IPO11: variants seen among roughly 807,000 people sequenced by gnomAD.
IPO11 encodes the protein importin 11, also known as importin-11.
A neutral mutation model predicts 143.2 loss-of-function variants in IPO11; 66 were observed. The ratio of observed to expected loss-of-function variants is 0.46; its 90% CI spans 0.38 to 0.57. The LOEUF is 0.57. Among genes scored for constraint, IPO11 ranks in the 20% least tolerant of loss-of-function variants. The pLI is 0.00. For missense variants in IPO11, 1,026 were observed against 1,141.0 expected, an observed-to-expected ratio of 0.90 and a Z score of 1.45; for synonymous variants, 385 against 377.8, an observed-to-expected ratio of 1.02 and a Z score of -0.22.
chr5:62,537,393 T>C lies in IPO11; in HGVS notation c.2250+104T>C, dbSNP rs146810578. The C allele has an allele frequency of 6.3e-4, 486 of 770,168 alleles. 2 individuals are homozygous for C. In the African/African-American group the frequency reaches 7.6e-3, roughly 12 times the overall value. 47.7% of individuals were successfully genotyped at this position (770,168 alleles called of 1,614,324 possible). ...TTCGCAAGAAGGAGAAGAGTTGATATAGTTCTAGACAGGCTATTTTGGCAG... is the reference window on the plus strand; with the variant it reads ...TTCGCAAGAAGGAGAAGAGTTGATACAGTTCTAGACAGGCTATTTTGGCAG... On this transcript the variant is annotated intron_variant, in intron 24 of 29. Transcript: ENST00000325324.
At chr5:62,426,021 C>T (rs1422972574) in intron 1 of IPO11, among the ~76,000 whole-genome samples, 3 of 152,198 alleles carry the variant, frequency 2.0e-5, no homozygotes, top group African/African-American at 4.8e-5. Flanking sequence ...TTATAAGACT[C>T]AGAGTCCCCT....
intron 15 of IPO11, among the ~76,000 whole-genome samples, chr5:62,492,467 G>T (rs1746654306): frequency 6.6e-6 from 1 of 152,106 alleles, no homozygotes; most frequent in African/African-American, 2.4e-5. Context: ...ACTACTTTGT[G>T]TTTTTAAATT....
intron 27 of IPO11, among the ~76,000 whole-genome samples, chr5:62,563,657 AT>A: frequency 6.6e-6 from 1 of 152,174 alleles, no homozygotes; most frequent in Non-Finnish European, 1.5e-5. Context: ...TGTGAAATTT[AT>A]TTATATTTCA....
intron 16 of IPO11, among the ~76,000 whole-genome samples, chr5:62,503,329 A>ATTAATATATTAATAGTAT (rs1561338165): frequency 2.3e-4 from 34 of 145,618 alleles, no homozygotes; most frequent in African/African-American, 8.0e-4. Flanking sequence ...AATAGTATCT[A>ATTAATATATTAATAGTAT]CTAATATATT....
chr5:62,570,316 A>C (rs879265114), intron 27 of IPO11, among the ~76,000 whole-genome samples: 8 of 152,122 alleles, frequency 5.3e-5, no homozygotes, highest in Non-Finnish European at 1.2e-4. Context: ...CACTCCCCCC[A>C]AAAAAGTCCC....
rs995019567 is a variant in IPO11, at chr5:62,441,496, C to CTTTTTTT, written c.139-1459_139-1453dup. On this transcript the variant is annotated intron_variant, in intron 2 of 29. Transcript: ENST00000325324. ...ACAGGCATGAGCCACTGTGCCTGGC[C>CTTTTTTT]TTTTTTTTTTTTTTTTTTTTTTTTT... Among the ~76,000 whole-genome samples, 6 of 47,378 alleles carry CTTTTTTT rather than the reference C, an allele frequency of 1.3e-4. 1 individual carries two copies. Among genetic ancestry groups the CTTTTTTT allele is most frequent in the African/African-American group, 1.8e-4 (2 of 10,966 alleles). The allele number at this position is 47,378 out of a possible 152,430, so 31.1% of individuals were successfully genotyped here.
chr5:62,602,958 T>G (rs1745559952), intron 29 of IPO11, among the ~76,000 whole-genome samples: 1 of 152,138 alleles, frequency 6.6e-6, no homozygotes, highest in Admixed American at 6.5e-5. Context: ...AACTGAAAAA[T>G]TACTGTTAAA....
At chr5:62,603,777 A>G (rs896070516) in intron 29 of IPO11, among the ~76,000 whole-genome samples, 6 of 152,222 alleles carry the variant, frequency 3.9e-5, no homozygotes, top group African/African-American at 1.4e-4. Context: ...TTCCTTTTCA[A>G]AGTTACAATG....
At chr5:62,530,530 G>T (rs1354426640) in intron 21 of IPO11, among the ~76,000 whole-genome samples, 179 bp from the exon 22 acceptor site, 1 of 152,138 alleles carries the variant, frequency 6.6e-6, no homozygotes, top group Non-Finnish European at 1.5e-5. Flanking sequence ...TACATAATTT[G>T]CAGACAGGTT....
chr5:62,483,653 A>G (rs1488031547), intron 10 of IPO11, among the ~76,000 whole-genome samples: 2 of 152,126 alleles, frequency 1.3e-5, no homozygotes, highest in African/African-American at 4.8e-5. Flanking sequence ...AAATTGTTGT[A>G]TTATTTGGAA....
chr5:62,428,483 A>G (rs1250369818), intron 1 of IPO11, among the ~76,000 whole-genome samples: 2 of 151,806 alleles, frequency 1.3e-5, no homozygotes, highest in Non-Finnish European at 2.9e-5. Context: ...AGCTAGGATT[A>G]CAGATGCACG....
chr5:62,413,416 C>T (rs191229054), intron 1 of IPO11: 11 of 152,196 alleles, frequency 7.2e-5, no homozygotes, highest in Admixed American at 2.0e-4. Context: ...GGTAGTTGTC[C>T]GTTTATAGAG....
intron 5 of IPO11, among the ~76,000 whole-genome samples, chr5:62,455,241 A>T (rs1745090157): frequency 3.9e-5 from 6 of 152,204 alleles, no homozygotes. Flanking sequence ...ACATAAAAAA[A>T]TGTAAGGGCT....
intron 1 of IPO11, among the ~76,000 whole-genome samples, chr5:62,428,703 C>T (rs576306088): frequency 3.9e-5 from 6 of 152,112 alleles, no homozygotes; most frequent in Middle Eastern, 6.8e-3. Context: ...CTCACTTTGT[C>T]GCCTGGGCTA....
At position 62,530,712 on chromosome 5, in the gene IPO11, A is replaced by G; in HGVS notation, c.2016A>G (p.Leu672=). 1 of 1,609,420 alleles carries G rather than the reference A, an allele frequency of 6.2e-7. No individual in the cohort carries two copies. The highest frequency in any genetic ancestry group is 8.5e-7 in the Non-Finnish European group (1 of 1,176,154). ...YLLEDGLELW[L]VTLENSPCIT... ...ATCATCTGTTTTTCCTTCCTAGGTT[A>G]GTAACTTTGGAAAACAGTCCATGTA... is the stretch of plus-strand genomic sequence containing the variant. The change falls in exon 22 of 30, where the codon TTA becomes TTG. Residue 672 remains leucine, a synonymous_variant. Coordinates refer to ENST00000325324, the MANE Select transcript of IPO11 (RefSeq NM_016338.5).
intron 5 of IPO11, 64 bp downstream of exon 5, chr5:62,451,997 G>T (rs1744945767): frequency 1.5e-6 from 2 of 1,315,832 alleles, no homozygotes; most frequent in Admixed American, 1.7e-5. Flanking sequence ...GGTGGCTTAT[G>T]CCTGTAATCT....
At chr5:62,469,337 T>C (rs1035832516) in intron 6 of IPO11, among the ~76,000 whole-genome samples, 8 of 152,236 alleles carry the variant, frequency 5.3e-5, no homozygotes, top group African/African-American at 2.4e-5. Context: ...GAAGGTCTTA[T>C]AGACAGCTAC....
At chr5:62,601,038 A>T (rs1394176183) in intron 28 of IPO11, among the ~76,000 whole-genome samples, 1 of 152,188 alleles carries the variant, frequency 6.6e-6, no homozygotes, top group Non-Finnish European at 1.5e-5. Context: ...TTTCTTTGCC[A>T]CTGTTTATTG....
chr5:62,625,026 C>G (rs935740045), intron 29 of IPO11, among the ~76,000 whole-genome samples: 2 of 150,086 alleles, frequency 1.3e-5, no homozygotes, highest in Non-Finnish European at 3.0e-5. Context: ...GTTCAAAGGC[C>G]TCTGACAAAA....
Sources: gnomAD v4.1 joint callset for allele counts (sites outside exome capture counted in the v4.1 genomes callset) on GRCh38, gnomAD v4.1.1 for gene constraint, MANE v1.5 for transcripts, NCBI Gene and HGNC (gene_info 2026-07-23, HGNC 2026-07-21) for gene names.